Variants in MTUS2 observed in about 807,000 individuals in gnomAD.
MTUS2 encodes microtubule-associated tumor suppressor candidate 2.
MTUS2 carries 40 observed loss-of-function variants against 114.1 expected under a neutral mutation model. The ratio of observed to expected loss-of-function variants is 0.35; its 90% CI spans 0.27 to 0.46. MTUS2 has a LOEUF of 0.46. Ranked by LOEUF, MTUS2 falls within the 20% of genes least tolerant of loss-of-function variation. The pLI is 1.00. For missense variants in MTUS2, 1,679 were observed against 1,705.4 expected (o/e 0.98, Z 0.27); for synonymous variants, 688 against 672.0 (o/e 1.02, Z -0.37).
intron 8 of MTUS2, among the ~76,000 whole-genome samples, chr13:29,394,584 G>A (rs1444159971): frequency 1.3e-5 from 2 of 152,198 alleles, no homozygotes; most frequent in Non-Finnish European, 2.9e-5. Flanking sequence ...CAGACTCTTA[G>A]TTAATCTCTC....
intron 2 of MTUS2, among the ~76,000 whole-genome samples, chr13:28,975,112 G>A (rs182287064): frequency 2.4e-4 from 36 of 152,248 alleles, no homozygotes; most frequent in Non-Finnish European, 4.7e-4. Context: ...AACAATTAAG[G>A]CTCTTCCGCA....
At chr13:29,263,859 A>G (rs1314751965) in intron 5 of MTUS2, among the ~76,000 whole-genome samples, 2 of 152,144 alleles carry the variant, frequency 1.3e-5, no homozygotes, top group Admixed American at 1.3e-4. Flanking sequence ...TTTGGTGGGG[A>G]CACAGATCCA....
intron 2 of MTUS2, among the ~76,000 whole-genome samples, chr13:28,896,909 G>T (rs1879308611): frequency 1.3e-5 from 2 of 152,144 alleles, no homozygotes; most frequent in African/African-American, 2.4e-5. Context: ...ATTCAAGATG[G>T]ATTTAAGACT....
At chr13:29,293,107 C>T (rs1593269473) in intron 6 of MTUS2, among the ~76,000 whole-genome samples, 1 of 151,974 alleles carries the variant, frequency 6.6e-6, no homozygotes, top group South Asian at 2.1e-4. Context: ...TTTTAAATGA[C>T]AAAATTACAT....
intron 2 of MTUS2, among the ~76,000 whole-genome samples, chr13:28,984,562 C>T (rs1884494541): frequency 6.6e-6 from 1 of 152,162 alleles, no homozygotes; most frequent in Non-Finnish European, 1.5e-5. Flanking sequence ...GTCAGCGTGC[C>T]TACGATAGAG....
rs972399001 is a variant in MTUS2, at chr13:28,907,515, G to A, written c.-243+67665G>A. Reference sequence around the variant, plus strand: ...GCTGTATTCAGGAAACCCATCTCACGTGCAGAGACACACATAGGCTCAAAA... The same window carrying A: ...GCTGTATTCAGGAAACCCATCTCACATGCAGAGACACACATAGGCTCAAAA... On this transcript the variant is annotated intron_variant, in intron 2 of 15. Coordinates refer to ENST00000612955, the MANE Select transcript of MTUS2 (RefSeq NM_001033602.4). 5.3e-5 allele frequency among the ~76,000 whole-genome samples: 8 copies of A among 151,438 alleles called. No individual in the cohort carries two copies. In the East Asian group the frequency reaches 9.6e-4, roughly 18 times the overall value.
At chr13:29,500,208 T>C (rs1357891901) in intron 14 of MTUS2, among the ~76,000 whole-genome samples, 1 of 152,206 alleles carries the variant, frequency 6.6e-6, no homozygotes, top group African/African-American at 2.4e-5. Context: ...ATCTACTCGA[T>C]CACTTCATCT....
At chr13:29,327,273 G>C (rs1423208231) in intron 7 of MTUS2, among the ~76,000 whole-genome samples, 1 of 152,140 alleles carries the variant, frequency 6.6e-6, no homozygotes. Flanking sequence ...TATGCTTAAA[G>C]TATAGAACTT....
intron 2 of MTUS2, among the ~76,000 whole-genome samples, chr13:28,841,144 A>G (rs1207036276): frequency 6.6e-6 from 1 of 152,230 alleles, no homozygotes; most frequent in Non-Finnish European, 1.5e-5. Context: ...ATGGTTCTTC[A>G]TTACTTACAA....
At chr13:29,447,097 G>A (rs1202103152) in intron 9 of MTUS2, among the ~76,000 whole-genome samples, 1 of 151,376 alleles carries the variant, frequency 6.6e-6, no homozygotes, top group Non-Finnish European at 1.5e-5. Flanking sequence ...CAACTAGTAA[G>A]TATAATGCAA....
At chr13:29,000,386 G>T (rs1243036519) in intron 2 of MTUS2, among the ~76,000 whole-genome samples, 1 of 151,924 alleles carries the variant, frequency 6.6e-6, no homozygotes, top group African/African-American at 2.4e-5. Context: ...TATTGAGTTG[G>T]AGTTTCATTC....
chr13:29,169,544 A>G (rs2051449863), intron 5 of MTUS2, among the ~76,000 whole-genome samples: 1 of 152,200 alleles, frequency 6.6e-6, no homozygotes, highest in Non-Finnish European at 1.5e-5. Flanking sequence ...CATTATATAC[A>G]GGAGACTCTT....
chr13:29,213,697 C>G (rs1356722274), intron 5 of MTUS2, among the ~76,000 whole-genome samples: 1 of 152,052 alleles, frequency 6.6e-6, no homozygotes, highest in Non-Finnish European at 1.5e-5. Context: ...TCATACTAAC[C>G]TTTTCATCTA....
intron 8 of MTUS2, chr13:29,428,573 C>T (rs1016143777): frequency 6.0e-6 from 5 of 827,450 alleles, no homozygotes; most frequent in Admixed American, 3.3e-5. Flanking sequence ...GACCCTCCCT[C>T]CTGCCTGTCC....
rs753176676 is a variant in MTUS2, at chr13:29,324,482, A to G, written c.2807-131A>G. ...AGCACAGGGGGTGGTGACCATAGCA[A>G]CAAATCACCCAAATATTTCTTTTGT... On this transcript the variant is annotated intron_variant, in intron 6 of 15. Coordinates refer to ENST00000612955, the MANE Select transcript of MTUS2 (RefSeq NM_001033602.4). The G allele has an allele frequency of 2.7e-4, 177 of 654,118 alleles. 1 individual carries two copies. Among genetic ancestry groups the G allele is most frequent in the Non-Finnish European group, 4.1e-4 (156 of 377,594 alleles). 40.5% of individuals were successfully genotyped at this position (654,118 alleles called of 1,614,324 possible).
intron 2 of MTUS2, among the ~76,000 whole-genome samples, chr13:29,021,428 A>G (rs1294548439): frequency 6.6e-6 from 1 of 152,240 alleles, no homozygotes; most frequent in Non-Finnish European, 1.5e-5. Flanking sequence ...AACTCTTTCT[A>G]GCATGACATT....
At chr13:29,413,591 C>T (rs1875433543) in intron 8 of MTUS2, among the ~76,000 whole-genome samples, 1 of 71,992 alleles carries the variant, frequency 1.4e-5, no homozygotes, top group Non-Finnish European at 2.8e-5. Context: ...CTACAATGAA[C>T]TCAAACAAAT....
intron 1 of MTUS2, among the ~76,000 whole-genome samples, chr13:28,835,246 A>G (rs1029641742): frequency 2.0e-5 from 3 of 152,220 alleles, no homozygotes; most frequent in African/African-American, 7.2e-5. Context: ...CAAACTGGAA[A>G]CAATCCAAAT....
intron 5 of MTUS2, among the ~76,000 whole-genome samples, chr13:29,134,321 C>A (rs1891883690): frequency 6.6e-6 from 1 of 152,022 alleles, no homozygotes; most frequent in Admixed American, 6.6e-5. Context: ...TGGAAAATTT[C>A]CCATGTGCAC....
Sources: allele counts gnomAD v4.1 joint callset (sites outside exome capture counted in the v4.1 genomes callset), GRCh38; gene constraint gnomAD v4.1.1; transcripts MANE v1.5; gene names NCBI Gene and HGNC (gene_info 2026-07-23, HGNC 2026-07-21).